Variants in ZNF462 observed in about 807,000 individuals in gnomAD.
ZNF462 encodes zinc finger PBX1-interacting protein.
ZNF462 carries 10 observed loss-of-function variants against 201.9 expected under a neutral mutation model. The ratio of observed to expected loss-of-function variants is 0.05; its 90% CI spans 0.03 to 0.08. The LOEUF (loss-of-function observed/expected upper bound fraction) is 0.08, where lower values mean the gene tolerates loss of function less well. ZNF462 is among the 10% of genes least tolerant of loss of function. The probability of loss-of-function intolerance (pLI) is 1.00; values close to 1 mark genes in which losing one functional copy is unlikely to be tolerated. For missense variants in ZNF462, 2,523 were observed against 3,168.3 expected (o/e 0.80, Z 4.89); for synonymous variants, 1,227 against 1,193.3 (o/e 1.03, Z -0.58).
rs1348446826 is a variant in ZNF462 at position 106,905,683 on chromosome 9, A to G, written c.-30-17671A>G. On this transcript the variant is annotated intron_variant, in intron 1 of 12. Transcript: ENST00000277225. The surrounding 1 kb of genome is among the most constrained non-coding windows in gnomAD (Gnocchi z 5.9). ...TATGGCTGCCTCTGCTGAGTCGTAC[A>G]GGTTGTCAGGGAAGTGGGGGAAAGC... 6.6e-6 allele frequency among the ~76,000 whole-genome samples: 1 copy of G among 152,046 alleles called. No homozygotes were observed. The highest frequency in any genetic ancestry group is 1.5e-5 in the Non-Finnish European group (1 of 67,998).
At position 106,913,871 on chromosome 9, in the gene ZNF462, G is replaced by A. The variant is rs181663779; in HGVS notation, c.-30-9483G>A. 1.8e-3 allele frequency among the ~76,000 whole-genome samples: 268 copies of A among 150,598 alleles called. 8 individuals carry two copies. Among genetic ancestry groups the A allele is most frequent in the Admixed American group, 0.016 (244 of 15,022 alleles). ...CCCGCCTCAGCCTCCCAAAGTGCTA[G>A]GATTACAGGCATGAGACACTGTGCC... On this transcript the variant is annotated intron_variant, in intron 1 of 12. Coordinates refer to ENST00000277225, the MANE Select transcript of ZNF462 (RefSeq NM_021224.6). This position sits in a 1 kb window ranked among gnomAD's most constrained non-coding sequence, Gnocchi z 4.1.
At chr9:106,873,443 T>C (rs1446531737) in intron 1 of ZNF462, among the ~76,000 whole-genome samples, 1 of 152,086 alleles carries the variant, frequency 6.6e-6, no homozygotes, top group East Asian at 1.9e-4. Context: ...AAAGGTGTTG[T>C]ACTTTTTTTC....
At chr9:106,987,789 G>T (rs574354328) in intron 10 of ZNF462, among the ~76,000 whole-genome samples, 1 of 152,210 alleles carries the variant, frequency 6.6e-6, no homozygotes, top group Admixed American at 6.5e-5. Flanking sequence ...AATTTTTATA[G>T]TTTCTCCTCT....
At chr9:107,004,166 T>G (rs1473060810) in intron 11 of ZNF462, among the ~76,000 whole-genome samples, 1 of 152,216 alleles carries the variant, frequency 6.6e-6, no homozygotes, top group Non-Finnish European at 1.5e-5. Flanking sequence ...AACCCCAGAC[T>G]ATACATACAA....
rs1396577237 is a variant in ZNF462 at position 106,930,701 on chromosome 9, A to G, written c.6012+12A>G. On this transcript the variant is annotated intron_variant, in intron 4 of 12. Transcript: ENST00000277225. This position sits in a 1 kb window ranked among gnomAD's most constrained non-coding sequence, Gnocchi z 5.8. ...CAGCTGCTGTGAAGGTGAGAACTGGAAGGTCTGGATGAGCATTGTGTGTGA... is the reference window on the plus strand; with the variant it reads ...CAGCTGCTGTGAAGGTGAGAACTGGGAGGTCTGGATGAGCATTGTGTGTGA... 9 of 1,613,790 alleles carry G rather than the reference A, an allele frequency of 5.6e-6. No homozygotes were observed. Among genetic ancestry groups the G allele is most frequent in the Non-Finnish European group, 6.8e-6 (8 of 1,179,922 alleles).
At position 106,984,275 on chromosome 9, in the gene ZNF462, A is replaced by T; in HGVS notation, c.6922A>T (p.Thr2308Ser). 6.2e-7 allele frequency: 1 copy of T among 1,614,098 alleles called. No homozygotes were observed. The highest frequency in any genetic ancestry group is 8.5e-7 in the Non-Finnish European group (1 of 1,179,990). The change falls in exon 10 of 13, where the codon ACC (threonine) becomes TCC (serine). Residue 2308 changes from threonine (T) to serine (S), a missense_variant. Thr to Ser is a moderately conservative substitution (Grantham distance 58). Coordinates refer to ENST00000277225, the MANE Select transcript of ZNF462 (RefSeq NM_021224.6). This position sits in a 1 kb window ranked among gnomAD's most constrained non-coding sequence, Gnocchi z 6.4. Reference sequence around the variant, plus strand: ...TTTCCGCTGTGATAAGTGTACCTTCACCTGCTCCAGTGATGAGAGCCTCCA... The same window carrying T: ...TTTCCGCTGTGATAAGTGTACCTTCTCCTGCTCCAGTGATGAGAGCCTCCA... ...VVFRCDKCTF[T>S]CSSDESLQQH...
At chr9:106,939,358 C>T (rs766411678) in intron 7 of ZNF462, among the ~76,000 whole-genome samples, 1 of 152,144 alleles carries the variant, frequency 6.6e-6, no homozygotes, top group Non-Finnish European at 1.5e-5. Flanking sequence ...TGGAAAGAGC[C>T]TGTCAAGTGG....
chr9:107,011,046 C>T lies in ZNF462; in HGVS notation c.*16C>T. 6.2e-7 allele frequency: 1 copy of T among 1,610,972 alleles called. No homozygotes were observed. The highest frequency in any genetic ancestry group is 1.1e-5 in the South Asian group (1 of 90,998). ...AAAAGAATGAGCGTTTGGTGAAATT[C>T]TTAATCAAACCTTACTTGAACAGTG... On this transcript the variant is annotated 3_prime_UTR_variant, in exon 13 of 13. Transcript: ENST00000277225. This position sits in a 1 kb window ranked among gnomAD's most constrained non-coding sequence, Gnocchi z 5.6.
In ZNF462 at chr9:106,950,951, T is replaced by C. The variant is rs1831316851; in HGVS notation, c.6427+11844T>C. Among the ~76,000 whole-genome samples, 1 of 151,896 alleles carries C rather than the reference T, an allele frequency of 6.6e-6. No individual in the cohort carries two copies. The highest frequency in any genetic ancestry group is 6.6e-5 in the Admixed American group (1 of 15,254). On this transcript the variant is annotated intron_variant, in intron 7 of 12. Coordinates refer to ENST00000277225, the MANE Select transcript of ZNF462 (RefSeq NM_021224.6). The surrounding 1 kb of genome is among the most constrained non-coding windows in gnomAD (Gnocchi z 4.1). ...CTAAAAATACAAAAATTAGCCAGGCTTGGTGGCGAGCGCCTGTAATTCCAG... is the reference window on the plus strand; with the variant it reads ...CTAAAAATACAAAAATTAGCCAGGCCTGGTGGCGAGCGCCTGTAATTCCAG...
Position 106,926,159 on chromosome 9 carries a change from A to C in ZNF462, c.2247A>C (p.Ile749=). Residue 749 remains isoleucine, a synonymous_variant, in exon 3 of 13, where the codon ATA becomes ATC. Transcript: ENST00000277225. The surrounding 1 kb of genome is among the most constrained non-coding windows in gnomAD (Gnocchi z 7.9). The part of the protein sequence containing the change: ...DREEEPTEPI[I]EVPTSFSAQQ... ...AGGAAGAACCGACAGAACCCATCATAGAGGTTCCCACTTCCTTTTCTGCCC... is the reference window on the plus strand; with the variant it reads ...AGGAAGAACCGACAGAACCCATCATCGAGGTTCCCACTTCCTTTTCTGCCC... 6.2e-7 allele frequency: 1 copy of C among 1,614,224 alleles called. No individual in the cohort carries two copies. Among genetic ancestry groups the C allele is most frequent in the Non-Finnish European group, 8.5e-7 (1 of 1,180,044 alleles).
Position 106,922,099 on chromosome 9 carries a change from T to C in ZNF462, c.-30-1255T>C, listed in dbSNP as rs553797016. Among the ~76,000 whole-genome samples the C allele has an allele frequency of 1.1e-4, 16 of 152,326 alleles. No homozygotes were observed. The South Asian group carries it at 3.3e-3, about 32-fold the overall frequency. On this transcript the variant is annotated intron_variant, in intron 1 of 12. Coordinates refer to ENST00000277225, the MANE Select transcript of ZNF462 (RefSeq NM_021224.6). ...ACATTGATGTATTATTACTGGACTT[T>C]TTTGTTCCTGCAGAAATAATTTATC...
Position 106,885,846 on chromosome 9 carries a change from G to C in ZNF462, c.-31+22491G>C, listed in dbSNP as rs947472252. Among the ~76,000 whole-genome samples, 1 of 152,138 alleles carries C rather than the reference G, an allele frequency of 6.6e-6. No individual in the cohort carries two copies. Among genetic ancestry groups the C allele is most frequent in the African/African-American group, 2.4e-5 (1 of 41,422 alleles). On this transcript the variant is annotated intron_variant, in intron 1 of 12. Coordinates refer to ENST00000277225, the MANE Select transcript of ZNF462 (RefSeq NM_021224.6). This position sits in a 1 kb window ranked among gnomAD's most constrained non-coding sequence, Gnocchi z 4.1. ...TTTGGAGCCCACCTGATTCTTAAGA[G>C]TTTCCAGTTCCTCTATCCCTATTCC...
intron 10 of ZNF462, among the ~76,000 whole-genome samples, chr9:106,996,150 C>CT (rs1339621200): frequency 6.6e-6 from 1 of 152,048 alleles, no homozygotes; most frequent in East Asian, 1.9e-4. Context: ...TGAACTCATC[C>CT]TTTTTTATGG....
intron 1 of ZNF462, among the ~76,000 whole-genome samples, chr9:106,918,647 G>A (rs757842326): frequency 1.6e-4 from 25 of 152,072 alleles, no homozygotes; most frequent in Admixed American, 9.8e-4. Flanking sequence ...TCATCTTAAG[G>A]TCCTGGGGCT....
intron 1 of ZNF462, among the ~76,000 whole-genome samples, chr9:106,916,573 G>C (rs147997646): frequency 1.5e-4 from 23 of 152,282 alleles, no homozygotes; most frequent in South Asian, 1.5e-3. Flanking sequence ...TAGCTCTGGG[G>C]GGGGAGAAAT....
At position 107,009,664 on chromosome 9, in the gene ZNF462, G is replaced by A. The variant is rs200883091; in HGVS notation, c.7309G>A (p.Gly2437Ser). 15 of 1,613,160 alleles carry A rather than the reference G, an allele frequency of 9.3e-6. No individual in the cohort carries two copies. The highest frequency in any genetic ancestry group is 1.2e-5 in the Non-Finnish European group (14 of 1,179,902). The change falls in exon 12 of 13, where the codon GGC becomes AGC. Residue 2437 changes from glycine (G) to serine (S), a missense_variant. Around this residue, in one of 15 missense-constraint regions of ZNF462, gnomAD observed 228 missense variants for 361.2 expected, o/e 0.63. Transcript: ENST00000277225. The surrounding 1 kb of genome is among the most constrained non-coding windows in gnomAD (Gnocchi z 6.1). ...GTGGGAAAGACATGTGCTGAGACAC[G>A]GCATGTAAGTTGGGCCACTTCAAGG... The part of the protein sequence containing the change: ...SEWERHVLRH[G>S]MALNDTKQVS...
rs1830299415 is a variant in ZNF462 at position 106,928,643 on chromosome 9, C to T, written c.4731C>T (p.Tyr1577=). ...SRIFKQGYGA[Y]RCKLCPYTHG... is the part of the protein sequence containing the mutation. ...TCTTCAAGCAAGGGTATGGCGCCTA[C>T]CGGTGCAAACTGTGTCCGTACACAC... is the stretch of plus-strand genomic sequence containing the variant. The change falls in exon 3 of 13, where the codon TAC becomes TAT. Residue 1577 remains tyrosine (Y), a synonymous_variant. Transcript: ENST00000277225. The surrounding 1 kb of genome is among the most constrained non-coding windows in gnomAD (Gnocchi z 9.3). 3 of 1,614,144 alleles carry T rather than the reference C, an allele frequency of 1.9e-6. No homozygotes were observed. In the East Asian group the frequency reaches 6.7e-5, roughly 36 times the overall value.
intron 1 of ZNF462, among the ~76,000 whole-genome samples, chr9:106,864,052 CT>C (rs1827186002): frequency 1.8e-5 from 1 of 55,994 alleles, no homozygotes; most frequent in Admixed American, 1.7e-4. Context: ...CTCTCTCTCT[CT>C]CTCTCTCTCT....
Position 106,876,534 on chromosome 9 carries a change from C to T in ZNF462, c.-31+13179C>T, listed in dbSNP as rs1271526572. Among the ~76,000 whole-genome samples, 1 of 152,178 alleles carries T rather than the reference C, an allele frequency of 6.6e-6. No individual in the cohort carries two copies. The highest frequency in any genetic ancestry group is 3.2e-3 in the Middle Eastern group (1 of 316). On this transcript the variant is annotated intron_variant, in intron 1 of 12. Coordinates refer to ENST00000277225, the MANE Select transcript of ZNF462 (RefSeq NM_021224.6). The surrounding 1 kb of genome is among the most constrained non-coding windows in gnomAD (Gnocchi z 4.9). Reference sequence around the variant, plus strand: ...CATTCCCAGCTAGACTTTATTACATCTTCAACTGATGTTCTGTGGATGAAG... The same window carrying T: ...CATTCCCAGCTAGACTTTATTACATTTTCAACTGATGTTCTGTGGATGAAG...
Sources: allele counts gnomAD v4.1 joint callset (sites outside exome capture counted in the v4.1 genomes callset), GRCh38; gene constraint gnomAD v4.1.1; regional missense constraint gnomAD v4.1.1; non-coding constraint Gnocchi (gnomAD v3.1); transcripts MANE v1.5; gene names NCBI Gene and HGNC (gene_info 2026-07-23, HGNC 2026-07-21).